Variants in GPR39 observed in about 807,000 individuals in gnomAD.
GPR39 encodes the protein zinc sensing receptor.
In GPR39, 23 loss-of-function variants were observed where a neutral mutation model predicts 18.4. That is an observed-to-expected ratio of 1.25 (90% CI 0.90 to 1.77). The LOEUF is 1.77. Among genes scored for constraint, GPR39 ranks in the 40% most tolerant of loss-of-function variants. GPR39 has a pLI of 0.00. For synonymous variants in GPR39, 280 were observed against 257.9 expected (o/e 1.09, Z -0.82); for missense variants, 647 against 602.4 (o/e 1.07, Z -0.78).
At chr2:132,472,610 T>C (rs1471949430) in intron 1 of GPR39, among the ~76,000 whole-genome samples, 1 of 151,954 alleles carries the variant, frequency 6.6e-6, no homozygotes, top group Non-Finnish European at 1.5e-5. Flanking sequence ...CCCACATATA[T>C]GGAATGAAAA....
At chr2:132,417,928 G>A (rs1679941786) in intron 1 of GPR39, 30 bp downstream of exon 1, 4 of 1,543,746 alleles carry the variant, frequency 2.6e-6, no homozygotes, top group Middle Eastern at 2.2e-4. Context: ...CAACACGTGA[G>A]CAGCTTCCCA....
At chr2:132,610,408 TATATTCCACTCATGTAAC>T (rs1573696786) in intron 1 of GPR39, among the ~76,000 whole-genome samples, 1 of 152,250 alleles carries the variant, frequency 6.6e-6, no homozygotes, top group East Asian at 1.9e-4. Context: ...GAGAGAAGAT[TATATTCCACTCATGTAAC>T]ATCCAAAGTG....
chr2:132,492,915 TACCATATATATAC>T (rs1454268833), intron 1 of GPR39, among the ~76,000 whole-genome samples: 105 of 139,826 alleles, frequency 7.5e-4, no homozygotes, highest in Non-Finnish European at 1.5e-3. Context: ...ATACACCATA[TACCATATATATAC>T]ACCATATATA....
At chr2:132,540,625 G>A (rs577035007) in intron 1 of GPR39, among the ~76,000 whole-genome samples, 1 of 152,110 alleles carries the variant, frequency 6.6e-6, no homozygotes, top group Admixed American at 6.5e-5. Context: ...TTTTATTTCT[G>A]CATGTTAAAA....
chr2:132,472,873 A>G (rs1681058228), intron 1 of GPR39, among the ~76,000 whole-genome samples: 1 of 152,024 alleles, frequency 6.6e-6, no homozygotes, highest in African/African-American at 2.4e-5. Context: ...TCAGTAACAC[A>G]AGGGAGCTAT....
At position 132,417,475 on chromosome 2, in the gene GPR39, G is replaced by A. The variant is rs777178539; in HGVS notation, c.433G>A (p.Ala145Thr). ...CATCTGTCACCCCTTCAGGTACAAG[G>A]CTGTGTCGGGACCTTGCCAGGTGAA... Reference protein sequence around the residue: ...IAICHPFRYKAVSGPCQVKLL... With the variant: ...IAICHPFRYKTVSGPCQVKLL... The change falls in exon 1 of 2, where the codon GCT becomes ACT. Residue 145 changes from alanine (A) to threonine (T), a missense_variant. Transcript: ENST00000329321. 2 of 1,614,160 alleles carry A rather than the reference G, an allele frequency of 1.2e-6. No homozygotes were observed. Among genetic ancestry groups the A allele is most frequent in the South Asian group, 1.1e-5 (1 of 91,074 alleles).
chr2:132,634,899 C>A (rs1681721705), intron 1 of GPR39, among the ~76,000 whole-genome samples: 1 of 152,256 alleles, frequency 6.6e-6, no homozygotes, highest in East Asian at 1.9e-4. Context: ...CAGACAGAAA[C>A]AGAAAAAGAA....
intron 1 of GPR39, among the ~76,000 whole-genome samples, chr2:132,514,104 T>C (rs1331900113): frequency 6.6e-6 from 1 of 152,062 alleles, no homozygotes; most frequent in Non-Finnish European, 1.5e-5. Flanking sequence ...GTTGGCCTGC[T>C]CTCCCACTTT....
chr2:132,565,274 A>C (rs1680329049), intron 1 of GPR39, among the ~76,000 whole-genome samples: 2 of 152,118 alleles, frequency 1.3e-5, no homozygotes, highest in Admixed American at 6.6e-5. Flanking sequence ...GAAGAAGCAG[A>C]AGGACACTCA....
intron 1 of GPR39, among the ~76,000 whole-genome samples, chr2:132,547,688 A>G (rs1384413571): frequency 6.6e-6 from 1 of 152,202 alleles, no homozygotes; most frequent in African/African-American, 2.4e-5. Context: ...AAATTTTGCT[A>G]GAGCTGTAAC....
At chr2:132,433,209 TACAC>T (rs1558797363) in intron 1 of GPR39, among the ~76,000 whole-genome samples, 1 of 152,184 alleles carries the variant, frequency 6.6e-6, no homozygotes, top group South Asian at 2.1e-4. Context: ...AAAACTTACA[TACAC>T]ACAAATACAG....
intron 1 of GPR39, among the ~76,000 whole-genome samples, chr2:132,600,215 C>T (rs941252969): frequency 5.9e-5 from 9 of 152,156 alleles, no homozygotes; most frequent in African/African-American, 9.6e-5. Context: ...AAAATAGAAA[C>T]ACAATATACA....
chr2:132,582,394 T>C (rs527852776), intron 1 of GPR39, among the ~76,000 whole-genome samples: 1 of 152,366 alleles, frequency 6.6e-6, no homozygotes, highest in Admixed American at 6.5e-5. Flanking sequence ...TGATTTGCAA[T>C]GTGCCTTTCA....
At chr2:132,517,485 C>A (rs1350038104) in intron 1 of GPR39, among the ~76,000 whole-genome samples, 1 of 152,030 alleles carries the variant, frequency 6.6e-6, no homozygotes, top group East Asian at 1.9e-4. Flanking sequence ...TAGAGCTCTC[C>A]CTTGATCATG....
At chr2:132,436,904 G>A (rs1046608775) in intron 1 of GPR39, among the ~76,000 whole-genome samples, 6 of 152,186 alleles carry the variant, frequency 3.9e-5, no homozygotes, top group Admixed American at 3.9e-4. Context: ...AAATTTACTT[G>A]CTATGTGCCA....
At chr2:132,600,962 A>G (rs951245750) in intron 1 of GPR39, among the ~76,000 whole-genome samples, 9 of 152,156 alleles carry the variant, frequency 5.9e-5, no homozygotes, top group African/African-American at 2.2e-4. Flanking sequence ...CCTCCTCTGC[A>G]TCTCCAGTGT....
chr2:132,443,120 G>A (rs2104766252), intron 1 of GPR39, among the ~76,000 whole-genome samples: 1 of 152,026 alleles, frequency 6.6e-6, no homozygotes, highest in East Asian at 1.9e-4. Context: ...TATTACAAAT[G>A]TTCAAATTTT....
chr2:132,626,764 G>T (rs550254175), intron 1 of GPR39, among the ~76,000 whole-genome samples: 2 of 152,086 alleles, frequency 1.3e-5, no homozygotes, highest in Non-Finnish European at 1.5e-5. Flanking sequence ...CAACCTCCCC[G>T]CAGGCCACTA....
chr2:132,521,403 C>T (rs1481621450), intron 1 of GPR39, among the ~76,000 whole-genome samples: 2 of 152,144 alleles, frequency 1.3e-5, no homozygotes, highest in Non-Finnish European at 2.9e-5. Flanking sequence ...TTGAATTTAC[C>T]TTGTTTACTA....
Sources: gnomAD v4.1 joint callset for allele counts (sites outside exome capture counted in the v4.1 genomes callset) on GRCh38, gnomAD v4.1.1 for gene constraint, MANE v1.5 for transcripts, NCBI Gene and HGNC (gene_info 2026-07-23, HGNC 2026-07-21) for gene names.